The following MTHFS variants were observed in gnomAD, a reference collection of about 807,000 sequenced individuals.
MTHFS encodes the protein 5-formyltetrahydrofolate cyclo-ligase.
MTHFS carries 7 observed loss-of-function variants against 12.7 expected under a neutral mutation model. That is an observed-to-expected ratio of 0.55 (90% CI 0.31 to 1.03). MTHFS has a LOEUF of 1.03. Among genes scored for constraint, MTHFS ranks in the 50% least tolerant of loss-of-function variants. The pLI is 0.05. For missense variants in MTHFS, 252 were observed against 258.1 expected, an observed-to-expected ratio of 0.98 and a Z score of 0.16; for synonymous variants, 100 against 97.1, an observed-to-expected ratio of 1.03 and a Z score of -0.18.
At chr15:79,869,636 G>A (rs965491775) in intron 2 of MTHFS, among the ~76,000 whole-genome samples, 2 of 152,130 alleles carry the variant, frequency 1.3e-5, no homozygotes, top group East Asian at 3.9e-4. Context: ...GTCTCATTAC[G>A]TTTCCCAGGC....
At chr15:79,895,521 A>G (rs2034552685) in intron 1 of MTHFS, among the ~76,000 whole-genome samples, 1 of 152,232 alleles carries the variant, frequency 6.6e-6, no homozygotes, top group Admixed American at 6.5e-5. Flanking sequence ...AGTGTGCACT[A>G]CATAGGTGTT....
intron 2 of MTHFS, among the ~76,000 whole-genome samples, chr15:79,846,796 C>T (rs1476851428): frequency 2.6e-5 from 4 of 152,220 alleles, no homozygotes; most frequent in Admixed American, 6.5e-5. Flanking sequence ...TTTACTCCCT[C>T]GTGTCCTCTT....
intron 2 of MTHFS, among the ~76,000 whole-genome samples, chr15:79,848,552 A>G (rs969689391): frequency 6.6e-6 from 1 of 152,254 alleles, no homozygotes; most frequent in Non-Finnish European, 1.5e-5. Context: ...AGAGAAGCCA[A>G]GAGAATAGTC....
intron 2 of MTHFS, among the ~76,000 whole-genome samples, chr15:79,857,112 C>T (rs1230086647): frequency 6.6e-6 from 1 of 152,038 alleles, no homozygotes; most frequent in Non-Finnish European, 1.5e-5. Flanking sequence ...TCTCCTGCCT[C>T]AGCCTCCCAA....
intron 2 of MTHFS, among the ~76,000 whole-genome samples, chr15:79,848,018 T>C (rs1373155190): frequency 6.6e-6 from 1 of 152,204 alleles, no homozygotes; most frequent in Non-Finnish European, 1.5e-5. Context: ...TCCAAAAGGA[T>C]TGAAGTCAGG....
At chr15:79,885,186 C>G (rs899613895) in intron 2 of MTHFS, among the ~76,000 whole-genome samples, 4 of 152,144 alleles carry the variant, frequency 2.6e-5, no homozygotes, top group Non-Finnish European at 5.9e-5. Context: ...TCATGAACAA[C>G]CTAGAAGGGT....
intron 2 of MTHFS, among the ~76,000 whole-genome samples, chr15:79,858,015 C>CAAAAAA (rs71453466): frequency 8.6e-4 from 51 of 59,368 alleles, no homozygotes; most frequent in African/African-American, 1.4e-3. Flanking sequence ...GACTCCATCT[C>CAAAAAA]AAAAAAAAAA....
intron 1 of MTHFS, among the ~76,000 whole-genome samples, chr15:79,894,582 A>C (rs2562749): frequency 0.88 from 133,207 of 152,102 alleles, 58,486 homozygotes; most frequent in East Asian, 1. Context: ...TATCTATGTA[A>C]ACTATTTCCA....
chr15:79,845,405 A>C lies in MTHFS; in HGVS notation c.417T>G (p.Phe139Leu). 6.2e-7 allele frequency: 1 copy of C among 1,614,186 alleles called. No homozygotes were observed. Among genetic ancestry groups the C allele is most frequent in the Non-Finnish European group, 8.5e-7 (1 of 1,180,018 alleles). Residue 139 changes from phenylalanine to leucine, a missense_variant, in exon 3 of 3, where the codon TTT becomes TTG. Phe to Leu is a conservative substitution (Grantham distance 22, BLOSUM62 0). Transcript: ENST00000258874. ...LDLIFMPGLG[F>L]DKHGNRLGRG... The stretch of plus-strand genomic sequence containing the variant: ...TCCCCAGTCGGTTGCCATGTTTGTC[A>C]AACCCAAGGCCTGGCATGAAGATGA...
At chr15:79,861,156 A>T (rs1183488124) in intron 2 of MTHFS, among the ~76,000 whole-genome samples, 1 of 152,322 alleles carries the variant, frequency 6.6e-6, no homozygotes, top group South Asian at 2.1e-4. Flanking sequence ...CTAGTGAAGC[A>T]GATATTATTA....
chr15:79,896,732 AGGGGAAACGTGCGCGCGCCGGGG>A, intron 1 of MTHFS, 117 bp downstream of exon 1: 2 of 433,604 alleles, frequency 4.6e-6, no homozygotes, highest in Non-Finnish European at 6.7e-6. Context: ...GCGCGCCGGG[AGGGGAAACGTGCGCGCGCCGGGG>A]GGTGGGGGGG....
At chr15:79,870,622 C>A (rs28366372) in intron 2 of MTHFS, among the ~76,000 whole-genome samples, 6,233 of 152,106 alleles carry the variant, frequency 0.041, 351 homozygotes, top group East Asian at 0.25. Context: ...CCAAGAAATT[C>A]ATCAAAATAC....
At chr15:79,886,129 T>C (rs989745219) in intron 2 of MTHFS, among the ~76,000 whole-genome samples, 7 of 152,228 alleles carry the variant, frequency 4.6e-5, no homozygotes, top group African/African-American at 1.7e-4. Flanking sequence ...GAACTTATAA[T>C]TGCAACTGAG....
rs764122476 is a variant in MTHFS, at chr15:79,845,360, A to G, written c.462T>C (p.Asp154=). The stretch of plus-strand genomic sequence containing the variant: ...GCTGCAAACAGCGCTTCAGATAGGC[A>G]TCATAGTAGCCCTTGCCCCTCCCCA... ...NRLGRGKGYY[D]AYLKRCLQHQ... The change falls in exon 3 of 3, where the codon GAT becomes GAC. Residue 154 remains aspartate, a synonymous_variant. Coordinates refer to ENST00000258874, the MANE Select transcript of MTHFS (RefSeq NM_006441.4). The G allele has an allele frequency of 1.2e-6, 2 of 1,614,198 alleles. No homozygotes were observed. The highest frequency in any genetic ancestry group is 1.7e-6 in the Non-Finnish European group (2 of 1,180,020).
intron 2 of MTHFS, among the ~76,000 whole-genome samples, chr15:79,879,742 A>C (rs2034265044): frequency 6.6e-6 from 1 of 152,190 alleles, no homozygotes; most frequent in South Asian, 2.1e-4. Flanking sequence ...AAACTCAGTA[A>C]GAAAAACATC....
chr15:79,850,129 A>G (rs1302371735), intron 2 of MTHFS, among the ~76,000 whole-genome samples: 1 of 152,234 alleles, frequency 6.6e-6, no homozygotes, highest in Non-Finnish European at 1.5e-5. Flanking sequence ...ATAATGCAAC[A>G]TATCTGTTCA....
chr15:79,897,180 A>G, upstream of MTHFS: 1 of 513,562 alleles, frequency 1.9e-6, no homozygotes, highest in Non-Finnish European at 3.2e-6. Context: ...GGCCCTTGGG[A>G]CCCAGCCCTC....
At chr15:79,891,441 G>A (rs2034470270) in intron 1 of MTHFS, among the ~76,000 whole-genome samples, 1 of 152,126 alleles carries the variant, frequency 6.6e-6, no homozygotes, top group African/African-American at 2.4e-5. Context: ...GAAGATAACT[G>A]CATTTCTAAA....
At chr15:79,881,794 C>T (rs928908911) in intron 2 of MTHFS, among the ~76,000 whole-genome samples, 2 of 152,122 alleles carry the variant, frequency 1.3e-5, no homozygotes, top group Non-Finnish European at 2.9e-5. Flanking sequence ...AGAAAAATGG[C>T]ACTTCAAAGG....
Sources: allele counts gnomAD v4.1 joint callset (sites outside exome capture counted in the v4.1 genomes callset), GRCh38; gene constraint gnomAD v4.1.1; transcripts MANE v1.5; gene names NCBI Gene and HGNC (gene_info 2026-07-23, HGNC 2026-07-21).